Variants in STPG1 observed in about 807,000 individuals in gnomAD.
STPG1 encodes sperm tail PG-rich repeat containing 1.
A neutral mutation model predicts 40.1 loss-of-function variants in STPG1; 33 were observed. That is an observed-to-expected ratio of 0.82 (90% CI 0.62 to 1.10). The LOEUF is 1.10. Among genes scored for constraint, STPG1 ranks in the 50% least tolerant of loss-of-function variants. The probability of loss-of-function intolerance (pLI) is 0.00; values close to 1 mark genes in which losing one functional copy is unlikely to be tolerated. For synonymous variants in STPG1, 150 were observed against 155.0 expected, an observed-to-expected ratio of 0.97 and a Z score of 0.24; for missense variants, 396 against 415.1, an observed-to-expected ratio of 0.95 and a Z score of 0.40.
At chr1:24,365,833 G>C (rs1336403858) in intron 7 of STPG1, among the ~76,000 whole-genome samples, 1 of 152,212 alleles carries the variant, frequency 6.6e-6, no homozygotes, top group Non-Finnish European at 1.5e-5. Flanking sequence ...CAGGCCCACA[G>C]GGCTGGTGAG....
At chr1:24,369,629 C>T in intron 7 of STPG1, 45 bp downstream of exon 7, 1 of 1,549,050 alleles carries the variant, frequency 6.5e-7, no homozygotes, top group Non-Finnish European at 8.7e-7. Flanking sequence ...GGCTTCTTCC[C>T]CACAACCACC....
chr1:24,384,692 G>A (rs955844907), intron 3 of STPG1, among the ~76,000 whole-genome samples: 1 of 152,202 alleles, frequency 6.6e-6, no homozygotes, highest in African/African-American at 2.4e-5. Flanking sequence ...AATGTTGACA[G>A]AAGTTGGCTG....
chr1:24,374,096 G>C (rs1261618378), intron 5 of STPG1, among the ~76,000 whole-genome samples: 1 of 152,066 alleles, frequency 6.6e-6, no homozygotes, highest in Non-Finnish European at 1.5e-5. Flanking sequence ...TTCTGCTAAG[G>C]ACAGGCTGTG....
At chr1:24,367,240 TAG>T (rs941527373) in intron 7 of STPG1, among the ~76,000 whole-genome samples, 2 of 152,192 alleles carry the variant, frequency 1.3e-5, no homozygotes, top group Non-Finnish European at 2.9e-5. Context: ...TAGAAATCTA[TAG>T]AGTCTGCTGA....
chr1:24,369,419 G>A, intron 7 of STPG1: 2 of 618,194 alleles, frequency 3.2e-6, no homozygotes, highest in Non-Finnish European at 6.2e-6. Flanking sequence ...TATGGGGTAA[G>A]AGTAACAATT....
At chr1:24,364,331 C>G in intron 7 of STPG1, 2 of 1,549,278 alleles carry the variant, frequency 1.3e-6, no homozygotes, top group Non-Finnish European at 1.7e-6. Flanking sequence ...CCCAGCCCCA[C>G]CACCGTCAAC....
intron 7 of STPG1, among the ~76,000 whole-genome samples, chr1:24,367,212 G>A (rs1641514836): frequency 6.6e-6 from 1 of 152,184 alleles, no homozygotes; most frequent in Admixed American, 6.5e-5. Context: ...CTGTTCACCT[G>A]AGCCTCCAGT....
chr1:24,373,840 C>T, intron 5 of STPG1, 30 bp from the exon 6 acceptor site: 1 of 1,454,760 alleles, frequency 6.9e-7, no homozygotes, highest in Non-Finnish European at 9.6e-7. Flanking sequence ...CCAATGTACT[C>T]AGTACCTTTC....
At chr1:24,385,283 C>T (rs992837586) in intron 3 of STPG1, among the ~76,000 whole-genome samples, 4 of 152,156 alleles carry the variant, frequency 2.6e-5, no homozygotes, top group African/African-American at 9.7e-5. Flanking sequence ...GTCCTTTCAC[C>T]CTTGCCCCAT....
chr1:24,397,902 G>A (rs937878446), intron 2 of STPG1, among the ~76,000 whole-genome samples: 4 of 152,090 alleles, frequency 2.6e-5, no homozygotes, highest in Admixed American at 1.3e-4. Context: ...ACTGCTATGA[G>A]CATTTTATCT....
intron 3 of STPG1, among the ~76,000 whole-genome samples, chr1:24,386,607 A>G (rs1315336474): frequency 6.6e-6 from 1 of 152,212 alleles, no homozygotes; most frequent in Non-Finnish European, 1.5e-5. Flanking sequence ...GCAACGCCCA[A>G]GTAGGTCTCT....
intron 2 of STPG1, chr1:24,391,994 C>T: frequency 9.4e-7 from 1 of 1,066,070 alleles, no homozygotes; most frequent in Non-Finnish European, 1.1e-6. Context: ...AGGAAGGAGA[C>T]AGCAAAACTA....
intron 7 of STPG1, chr1:24,364,135 C>G (rs1200942933): frequency 6.8e-7 from 1 of 1,470,884 alleles, no homozygotes; most frequent in South Asian, 1.4e-5. Flanking sequence ...GAAACACCAA[C>G]TTTCCCTGCA....
intron 2 of STPG1, among the ~76,000 whole-genome samples, chr1:24,397,850 G>A (rs2148709953): frequency 6.6e-6 from 1 of 152,172 alleles, no homozygotes. Context: ...CACTGGTGAT[G>A]TAAATTTGAG....
At chr1:24,408,413 A>C (rs991679921) in intron 1 of STPG1, among the ~76,000 whole-genome samples, 7 of 152,230 alleles carry the variant, frequency 4.6e-5, no homozygotes, top group African/African-American at 1.7e-4. Flanking sequence ...CCAAAAACTT[A>C]AGGAGACCTC....
At chr1:24,364,539 T>C in intron 7 of STPG1, 2 of 1,222,662 alleles carry the variant, frequency 1.6e-6, no homozygotes, top group Non-Finnish European at 2.1e-6. Flanking sequence ...GTATTGTGTC[T>C]TCCTCAGCTT....
rs1642195954 is a variant in STPG1 at position 24,379,744 on chromosome 1, C to G, written c.371G>C (p.Arg124Thr). ...YTIPSDFISK[R>T]DFSNSCSSMF... The stretch of plus-strand genomic sequence containing the variant: ...GCTGGAACACGAATTACTAAAGTCT[C>G]TCTTGGAAATAAAATCCGATGGGAT... Residue 124 changes from arginine (R) to threonine (T), a missense_variant, in exon 5 of 9, where the codon AGA becomes ACA. Coordinates refer to ENST00000337248, the MANE Select transcript of STPG1 (RefSeq NM_001199013.2). The G allele has an allele frequency of 1.2e-6, 2 of 1,614,174 alleles. No homozygotes were observed. The highest frequency in any genetic ancestry group is 1.7e-6 in the Non-Finnish European group (2 of 1,180,030).
chr1:24,396,932 C>T (rs1354547159), intron 2 of STPG1, among the ~76,000 whole-genome samples: 2 of 152,028 alleles, frequency 1.3e-5, no homozygotes, highest in Non-Finnish European at 2.9e-5. Flanking sequence ...TATATGTTAC[C>T]TTGGAGAAAC....
At position 24,358,433 on chromosome 1, in the gene STPG1, C is replaced by G. The variant is rs555761350; in HGVS notation, c.*110G>C. ...AGGCCAGAGTGGTAGAGCCACCCCC[C>G]AAGTTGTCAGCTGCCACACTCATGA... is the stretch of plus-strand genomic sequence containing the variant. On this transcript the variant is annotated 3_prime_UTR_variant, in exon 9 of 9. Coordinates refer to ENST00000337248, the MANE Select transcript of STPG1 (RefSeq NM_001199013.2). 4 of 929,690 alleles carry G rather than the reference C, an allele frequency of 4.3e-6. No homozygotes were observed. The Admixed American group carries it at 5.2e-5, about 12-fold the overall frequency. The allele number at this position is 929,690 out of a possible 1,614,324, so 57.6% of individuals were successfully genotyped here. A position where few individuals can be genotyped will look rare whatever the true frequency, so the allele number is the denominator to read the frequency against.
Sources: allele counts gnomAD v4.1 joint callset (sites outside exome capture counted in the v4.1 genomes callset), GRCh38; gene constraint gnomAD v4.1.1; transcripts MANE v1.5; gene names NCBI Gene and HGNC (gene_info 2026-07-23, HGNC 2026-07-21).